SPRED1: variants seen among roughly 807,000 people sequenced by gnomAD.
SPRED1 encodes sprouty-related, EVH1 domain-containing protein 1.
In SPRED1, 18 loss-of-function variants were observed where a neutral mutation model predicts 52.3. The observed-to-expected ratio is 0.34, with a 90% CI of 0.24 to 0.51. SPRED1 has a LOEUF of 0.51. SPRED1 is among the 20% of genes least tolerant of loss of function. The pLI is 0.97. For missense variants in SPRED1, 485 were observed against 551.0 expected, an observed-to-expected ratio of 0.88 and a Z score of 1.20; for synonymous variants, 155 against 179.7, an observed-to-expected ratio of 0.86 and a Z score of 1.10.
At chr15:38,264,168 A>C (rs769082283) in intron 1 of SPRED1, among the ~76,000 whole-genome samples, 1 of 152,236 alleles carries the variant, frequency 6.6e-6, no homozygotes, top group African/African-American at 2.4e-5. Flanking sequence ...TCTAAAGATC[A>C]TGTGAGCTAA....
At chr15:38,328,461 AT>A (rs1346974155) in intron 4 of SPRED1, among the ~76,000 whole-genome samples, 1 of 152,298 alleles carries the variant, frequency 6.6e-6, no homozygotes, top group East Asian at 1.9e-4. Flanking sequence ...CAACAAAGAA[AT>A]TTACCTTTCT....
In SPRED1 at chr15:38,351,366, A is replaced by G. The variant is rs773833198; in HGVS notation, c.1037A>G (p.Glu346Gly). The G allele has an allele frequency of 1.2e-6, 2 of 1,614,116 alleles. No individual in the cohort carries two copies. The highest frequency in any genetic ancestry group is 1.7e-6 in the Non-Finnish European group (2 of 1,179,992). Residue 346 changes from glutamate (E) to glycine (G), a missense_variant, in exon 7 of 7, where the codon GAA becomes GGA. Coordinates refer to ENST00000299084, the MANE Select transcript of SPRED1 (RefSeq NM_152594.3). ...TGCCAGGAAAGGTTTAATCATGAAG[A>G]AAATGTTAGGGGAAAATGTCAGGAT... The part of the protein sequence containing the change: ...VYCQERFNHE[E>G]NVRGKCQDAP...
At chr15:38,331,875 A>C (rs937826738) in intron 4 of SPRED1, among the ~76,000 whole-genome samples, 1 of 152,224 alleles carries the variant, frequency 6.6e-6, no homozygotes, top group African/African-American at 2.4e-5. Context: ...ATTTATAGGA[A>C]CTAATAATAA....
At chr15:38,334,348 CAG>C (rs2141003435) in intron 4 of SPRED1, among the ~76,000 whole-genome samples, 1 of 152,090 alleles carries the variant, frequency 6.6e-6, no homozygotes, top group African/African-American at 2.4e-5. Flanking sequence ...CAGAGAAACA[CAG>C]AGGAGTAATT....
chr15:38,316,756 T>TTTTTTTTTTTTTTTTTTTTTTTTTG (rs1895492634), intron 2 of SPRED1, among the ~76,000 whole-genome samples: 2 of 146,034 alleles, frequency 1.4e-5, no homozygotes, highest in African/African-American at 2.5e-5. Flanking sequence ...ATGTTTTTTT[T>TTTTTTTTTTTTTTTTTTTTTTTTTG]TTTTTTTTTT....
At chr15:38,314,250 C>T (rs187638817) in intron 2 of SPRED1, among the ~76,000 whole-genome samples, 1 of 151,650 alleles carries the variant, frequency 6.6e-6, no homozygotes, top group Non-Finnish European at 1.5e-5. Context: ...AATTTTGTGT[C>T]TATTTCATCT....
chr15:38,300,037 G>T (rs909741389), intron 2 of SPRED1, among the ~76,000 whole-genome samples: 1 of 151,916 alleles, frequency 6.6e-6, no homozygotes, highest in Non-Finnish European at 1.5e-5. Context: ...AGTTTTATTC[G>T]AACATAGCCA....
chr15:38,253,913 A>G (rs895260522), intron 1 of SPRED1, among the ~76,000 whole-genome samples: 1 of 152,220 alleles, frequency 6.6e-6, no homozygotes, highest in Non-Finnish European at 1.5e-5. Context: ...GTGAAAACAC[A>G]TGATTTACGT....
At chr15:38,275,017 T>A (rs1894517852) in intron 1 of SPRED1, among the ~76,000 whole-genome samples, 2 of 152,254 alleles carry the variant, frequency 1.3e-5, no homozygotes, top group South Asian at 2.1e-4. Flanking sequence ...AGTTTGAGAC[T>A]AATAAATATC....
intron 1 of SPRED1, among the ~76,000 whole-genome samples, chr15:38,267,305 CTT>C (rs535051820): frequency 1.3e-5 from 2 of 152,112 alleles, no homozygotes; most frequent in African/African-American, 4.8e-5. Flanking sequence ...TTAAAGAACA[CTT>C]TAGGTTTCCA....
intron 2 of SPRED1, among the ~76,000 whole-genome samples, chr15:38,309,285 C>T (rs554828192): frequency 6.6e-6 from 1 of 152,220 alleles, no homozygotes; most frequent in Non-Finnish European, 1.5e-5. Flanking sequence ...GGACCACAGG[C>T]ATGCATCACC....
At chr15:38,296,687 C>T (rs775203186) in intron 1 of SPRED1, among the ~76,000 whole-genome samples, 10 of 152,260 alleles carry the variant, frequency 6.6e-5, no homozygotes, top group Non-Finnish European at 1.3e-4. Context: ...ATAACCAAAT[C>T]TCTCTATTCA....
chr15:38,353,884 T>C lies in SPRED1; in HGVS notation c.*2220T>C, dbSNP rs1888548923. 1 of 152,614 alleles carries C rather than the reference T, an allele frequency of 6.6e-6. No individual in the cohort carries two copies. Among genetic ancestry groups the C allele is most frequent in the African/African-American group, 2.4e-5 (1 of 41,468 alleles). The allele number at this position is 152,614 out of a possible 1,614,324, so 9.5% of individuals were successfully genotyped here. A position where few individuals can be genotyped will look rare whatever the true frequency, so the allele number is the denominator to read the frequency against. ...CTAATCAGTATAGTGCAACTCCTGG[T>C]TCTGTACTGTATTTTATATGCAACA... On this transcript the variant is annotated 3_prime_UTR_variant, in exon 7 of 7. Coordinates refer to ENST00000299084, the MANE Select transcript of SPRED1 (RefSeq NM_152594.3).
intron 2 of SPRED1, among the ~76,000 whole-genome samples, chr15:38,315,581 T>A (rs1041171811): frequency 1.3e-4 from 19 of 145,562 alleles, no homozygotes; most frequent in African/African-American, 4.7e-4. Context: ...TCTCCCCTTT[T>A]TTCCCCCTCT....
chr15:38,323,478 C>T (rs55668625), intron 3 of SPRED1, among the ~76,000 whole-genome samples: 30,970 of 151,880 alleles, frequency 0.2, 3,310 homozygotes, highest in Middle Eastern at 0.24. Context: ...AATGACTAGT[C>T]TGCACTCCAG....
chr15:38,329,598 A>T (rs545110271), intron 4 of SPRED1, among the ~76,000 whole-genome samples: 1 of 152,284 alleles, frequency 6.6e-6, no homozygotes, highest in African/African-American at 2.4e-5. Context: ...TTATTGCCCA[A>T]TAAGAGAGCA....
intron 1 of SPRED1, among the ~76,000 whole-genome samples, chr15:38,273,967 T>G (rs1406964623): frequency 6.6e-6 from 1 of 152,230 alleles, no homozygotes; most frequent in East Asian, 1.9e-4. Context: ...CCGTCACTAC[T>G]TCTATTTTGA....
chr15:38,276,059 A>C (rs1894545473), intron 1 of SPRED1, among the ~76,000 whole-genome samples: 1 of 152,236 alleles, frequency 6.6e-6, no homozygotes, highest in African/African-American at 2.4e-5. Context: ...AAAATTATTT[A>C]TTAATAATAG....
At chr15:38,317,991 G>A (rs1442368194) in intron 2 of SPRED1, among the ~76,000 whole-genome samples, 1 of 151,832 alleles carries the variant, frequency 6.6e-6, no homozygotes, top group Non-Finnish European at 1.5e-5. Flanking sequence ...GTGTCACTTA[G>A]ATAAATAAGA....
Sources: allele counts gnomAD v4.1 joint callset (sites outside exome capture counted in the v4.1 genomes callset), GRCh38; gene constraint gnomAD v4.1.1; transcripts MANE v1.5; gene names NCBI Gene and HGNC (gene_info 2026-07-23, HGNC 2026-07-21).